Variants in KSR2 observed in about 807,000 individuals in gnomAD.
KSR2 encodes the protein kinase suppressor of ras 2.
Under a neutral mutation model 107.8 loss-of-function variants are expected in KSR2, and 25 were observed. That is an observed-to-expected ratio of 0.23 (90% CI 0.17 to 0.32). The LOEUF is 0.32. KSR2 is among the 10% of genes least tolerant of loss of function. The pLI is 1.00. For synonymous variants in KSR2, 480 were observed against 507.0 expected, an observed-to-expected ratio of 0.95 and a Z score of 0.71; for missense variants, 887 against 1,268.9, an observed-to-expected ratio of 0.70 and a Z score of 4.57.
chr12:117,846,943 T>C (rs1593299535), intron 3 of KSR2, among the ~76,000 whole-genome samples: 1 of 151,956 alleles, frequency 6.6e-6, no homozygotes, highest in East Asian at 1.9e-4. Flanking sequence ...ACAGGGGGAG[T>C]TCCAACCGTG....
intron 4 of KSR2, among the ~76,000 whole-genome samples, chr12:117,754,358 C>G (rs1024613084): frequency 6.6e-6 from 1 of 152,152 alleles, no homozygotes; most frequent in African/African-American, 2.4e-5. Context: ...CCTTCCTCGG[C>G]CAGGCATGGT....
In KSR2 at chr12:117,471,254, G is replaced by A; in HGVS notation, c.2649C>T (p.Ile883=). The part of the protein sequence containing the change: ...PFKTQPAEAI[I]WQMGTGMKPN... ...GTTTCATGCCTGTGCCCATTTGCCA[G>A]ATTATTGCCTCTGCTGGTTGGGTCT... The change falls in exon 18 of 20, where the codon ATC becomes ATT. Residue 883 remains isoleucine (I), a synonymous_variant. Transcript: ENST00000339824. The A allele has an allele frequency of 3.7e-6, 6 of 1,613,976 alleles. No homozygotes were observed. The highest frequency in any genetic ancestry group is 5.1e-6 in the Non-Finnish European group (6 of 1,179,884).
rs533017777 is a variant in KSR2, at chr12:117,790,983, CATGTATCAG to C, written c.473-29468_473-29460del. Among the ~76,000 whole-genome samples, 6 of 152,314 alleles carry C rather than the reference CATGTATCAG, an allele frequency of 3.9e-5. No homozygotes were observed. In the East Asian group the frequency reaches 1.2e-3, roughly 29 times the overall value. On this transcript the variant is annotated intron_variant, in intron 3 of 19. Coordinates refer to ENST00000339824, the MANE Select transcript of KSR2 (RefSeq NM_173598.6). ...ACTAGAACAATGGATGTTTTGCAAT[CATGTATCAG>C]ACCTTCACTCCCCTCCTATCAACCT...
intron 1 of KSR2, among the ~76,000 whole-genome samples, chr12:117,923,702 T>C: frequency 6.6e-6 from 1 of 152,076 alleles, no homozygotes; most frequent in Non-Finnish European, 1.5e-5. Context: ...TATGTGTATG[T>C]GTATATATAC....
At chr12:117,852,990 A>G (rs2137214526) in intron 3 of KSR2, among the ~76,000 whole-genome samples, 1 of 152,202 alleles carries the variant, frequency 6.6e-6, no homozygotes, top group East Asian at 1.9e-4. Flanking sequence ...TTTAGTAGAG[A>G]TGGGGTTTCA....
intron 4 of KSR2, among the ~76,000 whole-genome samples, chr12:117,760,503 T>C (rs1310460669): frequency 6.6e-6 from 1 of 152,272 alleles, no homozygotes; most frequent in Admixed American, 6.5e-5. Context: ...TGATCATTAA[T>C]ATCACTTGTT....
rs1324048084 is a variant in KSR2 at position 117,454,952 on chromosome 12, A to G, written c.*12247T>C. On this transcript the variant is annotated 3_prime_UTR_variant, in exon 20 of 20. Coordinates refer to ENST00000339824, the MANE Select transcript of KSR2 (RefSeq NM_173598.6). Reference sequence around the variant, plus strand: ...AGATGCCCATGGACTTCAGGACCCAATGCAGGGCACTAAGAAATAGAGACA... The same window carrying G: ...AGATGCCCATGGACTTCAGGACCCAGTGCAGGGCACTAAGAAATAGAGACA... 1 of 152,006 alleles carries G rather than the reference A, an allele frequency of 6.6e-6. No homozygotes were observed. Among genetic ancestry groups the G allele is most frequent in the Admixed American group, 6.6e-5 (1 of 15,262 alleles). The allele number at this position is 152,006 out of a possible 1,614,324, so 9.4% of individuals were successfully genotyped here. A position where few individuals can be genotyped will look rare whatever the true frequency, so the allele number is the denominator to read the frequency against.
chr12:117,577,999 G>A (rs1331087144), intron 7 of KSR2, among the ~76,000 whole-genome samples: 1 of 152,168 alleles, frequency 6.6e-6, no homozygotes, highest in Non-Finnish European at 1.5e-5. Context: ...GCCCACATCT[G>A]GCGTCTCAGT....
chr12:117,801,060 G>A (rs73402870), intron 3 of KSR2, among the ~76,000 whole-genome samples: 15,370 of 152,118 alleles, frequency 0.1, 2,598 homozygotes, highest in African/African-American at 0.35. Flanking sequence ...ATAAGCATAC[G>A]TGTGTATGTG....
chr12:117,578,392 G>A (rs1171265758), intron 7 of KSR2, among the ~76,000 whole-genome samples: 8 of 152,144 alleles, frequency 5.3e-5, no homozygotes, highest in Admixed American at 6.5e-5. Context: ...TCAGGAGTTC[G>A]AGAGCAGCCT....
chr12:117,909,665 G>C (rs535001887), intron 1 of KSR2, among the ~76,000 whole-genome samples: 1 of 152,136 alleles, frequency 6.6e-6, no homozygotes, highest in African/African-American at 2.4e-5. Flanking sequence ...CACTTTGGGA[G>C]GCCAAGGCAA....
At chr12:117,568,568 A>G (rs538215250) in intron 7 of KSR2, among the ~76,000 whole-genome samples, 1 of 152,266 alleles carries the variant, frequency 6.6e-6, no homozygotes, top group South Asian at 2.1e-4. Context: ...CCGGCTGTTT[A>G]CTTCTGAAGG....
chr12:117,555,118 C>A, intron 9 of KSR2, 51 bp downstream of exon 9: 2 of 1,611,862 alleles, frequency 1.2e-6, no homozygotes, highest in Non-Finnish European at 1.7e-6. Context: ...CTACCCCTCA[C>A]CCAGCAGTGC....
At chr12:117,711,194 T>C (rs1038365797) in intron 4 of KSR2, among the ~76,000 whole-genome samples, 1 of 152,202 alleles carries the variant, frequency 6.6e-6, no homozygotes, top group Admixed American at 6.5e-5. Flanking sequence ...ATGAGATAGA[T>C]AAAACAATTT....
Position 117,800,400 on chromosome 12 carries a change from C to T in KSR2, c.473-38876G>A, listed in dbSNP as rs142336105. On this transcript the variant is annotated intron_variant, in intron 3 of 19. Coordinates refer to ENST00000339824, the MANE Select transcript of KSR2 (RefSeq NM_173598.6). ...ATTCTGCCCCCCCCAAAGCCTAAAA[C>T]GTCCAAGAGTCACAGAGGCCTGGGT... Among the ~76,000 whole-genome samples the T allele has an allele frequency of 3.5e-3, 535 of 152,200 alleles. 3 individuals are homozygous for T. Among genetic ancestry groups the T allele is most frequent in the Non-Finnish European group, 5.9e-3 (402 of 68,004 alleles).
At position 117,890,135 on chromosome 12, in the gene KSR2, G is replaced by A. The variant is rs572605616; in HGVS notation, c.181-29704C>T. ...TGCTGATGCTGCTGGTCCAGGGACC[G>A]CATTTTGAACAGCACTGTATTGGAT... On this transcript the variant is annotated intron_variant, in intron 1 of 19. Coordinates refer to ENST00000339824, the MANE Select transcript of KSR2 (RefSeq NM_173598.6). Among the ~76,000 whole-genome samples, 5 of 152,286 alleles carry A rather than the reference G, an allele frequency of 3.3e-5. No individual in the cohort carries two copies. The East Asian group carries it at 5.8e-4, about 18-fold the overall frequency.
chr12:117,915,124 A>G (rs1294695811), intron 1 of KSR2, among the ~76,000 whole-genome samples: 1 of 152,234 alleles, frequency 6.6e-6, no homozygotes, highest in Non-Finnish European at 1.5e-5. Flanking sequence ...ATAAGCCCCA[A>G]GACACTTATT....
At chr12:117,929,935 G>T (rs1260851541) in intron 1 of KSR2, among the ~76,000 whole-genome samples, 1 of 152,100 alleles carries the variant, frequency 6.6e-6, no homozygotes, top group Non-Finnish European at 1.5e-5. Flanking sequence ...TGATGATGTG[G>T]CAAGTTATTA....
At chr12:117,937,344 T>C (rs1358357796) in intron 1 of KSR2, among the ~76,000 whole-genome samples, 1 of 152,144 alleles carries the variant, frequency 6.6e-6, no homozygotes, top group Non-Finnish European at 1.5e-5. Flanking sequence ...TCTTTTCTCC[T>C]GGCTTTATTT....
Sources: gnomAD v4.1 joint callset for allele counts (sites outside exome capture counted in the v4.1 genomes callset) on GRCh38, gnomAD v4.1.1 for gene constraint, MANE v1.5 for transcripts, NCBI Gene and HGNC (gene_info 2026-07-23, HGNC 2026-07-21) for gene names.